CNTNAP5: variants seen among roughly 807,000 people sequenced by gnomAD.
CNTNAP5 encodes contactin-associated protein-like 5.
A neutral mutation model predicts 150.2 loss-of-function variants in CNTNAP5; 72 were observed. The ratio of observed to expected loss-of-function variants is 0.48; its 90% CI spans 0.40 to 0.58. The LOEUF is 0.58. Among genes scored for constraint, CNTNAP5 ranks in the 20% least tolerant of loss-of-function variants. CNTNAP5 has a pLI of 0.00. For missense variants in CNTNAP5, 1,636 were observed against 1,626.2 expected (o/e 1.01, Z -0.10); for synonymous variants, 672 against 619.8 (o/e 1.08, Z -1.25).
At chr2:124,282,341 A>T (rs1688034391) in intron 3 of CNTNAP5, among the ~76,000 whole-genome samples, 1 of 152,230 alleles carries the variant, frequency 6.6e-6, no homozygotes, top group African/African-American at 2.4e-5. Flanking sequence ...CTAGGTGTTC[A>T]ATAAGCAAAT....
chr2:124,862,215 A>G (rs929763515), intron 19 of CNTNAP5, among the ~76,000 whole-genome samples: 4 of 152,232 alleles, frequency 2.6e-5, no homozygotes, highest in Admixed American at 2.6e-4. Context: ...TATATGAACA[A>G]AAAATGATGT....
intron 3 of CNTNAP5, among the ~76,000 whole-genome samples, chr2:124,410,216 C>A (rs1691712795): frequency 6.7e-6 from 1 of 148,742 alleles, no homozygotes; most frequent in Non-Finnish European, 1.5e-5. Flanking sequence ...CAGGAGCACC[C>A]AGATTCATAA....
chr2:124,896,547 T>G lies in CNTNAP5; in HGVS notation c.3437-6335T>G, dbSNP rs920255267. Among the ~76,000 whole-genome samples, 6 of 151,124 alleles carry G rather than the reference T, an allele frequency of 4.0e-5. 1 individual carries two copies. The highest frequency in any genetic ancestry group is 1.5e-4 in the African/African-American group (6 of 40,576). On this transcript the variant is annotated intron_variant, in intron 21 of 23. Transcript: ENST00000682447. ...AGGAATATGGAAGTTCTTTTTTTTTTGGTTTCTTTTGAGACAATTTTGCTC... is the reference window on the plus strand; with the variant it reads ...AGGAATATGGAAGTTCTTTTTTTTTGGGTTTCTTTTGAGACAATTTTGCTC...
intron 1 of CNTNAP5, among the ~76,000 whole-genome samples, chr2:124,109,505 G>T (rs554401012): frequency 6.6e-6 from 1 of 152,284 alleles, no homozygotes; most frequent in East Asian, 1.9e-4. Context: ...GCCCACCCTT[G>T]GTTCAGATAA....
At chr2:124,366,162 A>G (rs1441064748) in intron 3 of CNTNAP5, among the ~76,000 whole-genome samples, 1 of 152,158 alleles carries the variant, frequency 6.6e-6, no homozygotes, top group Admixed American at 6.5e-5. Flanking sequence ...CCAATTAATT[A>G]GCATTAGTCA....
At chr2:124,803,056 A>G (rs1682004930) in intron 19 of CNTNAP5, among the ~76,000 whole-genome samples, 1 of 151,420 alleles carries the variant, frequency 6.6e-6, no homozygotes, top group Non-Finnish European at 1.5e-5. Flanking sequence ...TGGAGCTTGC[A>G]GTGAGCCGAG....
At chr2:124,513,196 G>A (rs1694633176) in intron 8 of CNTNAP5, among the ~76,000 whole-genome samples, 1 of 152,180 alleles carries the variant, frequency 6.6e-6, no homozygotes, top group Non-Finnish European at 1.5e-5. Context: ...GATTTCTTCT[G>A]AGGGCTTCTC....
At chr2:124,670,133 T>TTTCCTTCCTTCCTTCCTTCATTCC (rs1678783295) in intron 13 of CNTNAP5, among the ~76,000 whole-genome samples, 8 of 112,512 alleles carry the variant, frequency 7.1e-5, no homozygotes, top group African/African-American at 2.6e-4. Context: ...TCCTTCCTTC[T>TTTCCTTCCTTCCTTCCTTCATTCC]TTCCTTCCTT....
intron 14 of CNTNAP5, among the ~76,000 whole-genome samples, chr2:124,757,970 G>A (rs1343541645): frequency 1.3e-5 from 2 of 152,288 alleles, no homozygotes; most frequent in Non-Finnish European, 2.9e-5. Context: ...AAGGTTTTAA[G>A]CAATAAAGTA....
At chr2:124,215,229 C>T (rs1196391189) in intron 1 of CNTNAP5, among the ~76,000 whole-genome samples, 1 of 152,130 alleles carries the variant, frequency 6.6e-6, no homozygotes, top group Non-Finnish European at 1.5e-5. Flanking sequence ...CTTTTAAGCT[C>T]CAAATCCCCA....
chr2:124,728,988 C>T (rs771786396), intron 13 of CNTNAP5, among the ~76,000 whole-genome samples: 1 of 151,994 alleles, frequency 6.6e-6, no homozygotes, highest in Non-Finnish European at 1.5e-5. Flanking sequence ...GGCTGGTATG[C>T]AGAGAGAGAC....
intron 17 of CNTNAP5, among the ~76,000 whole-genome samples, chr2:124,774,880 C>T (rs1349465325): frequency 6.6e-6 from 1 of 152,170 alleles, no homozygotes; most frequent in Non-Finnish European, 1.5e-5. Flanking sequence ...GGAAAGGCGG[C>T]AGCTGTGTTT....
intron 13 of CNTNAP5, among the ~76,000 whole-genome samples, chr2:124,726,289 G>A (rs1680155928): frequency 6.6e-6 from 1 of 152,144 alleles, no homozygotes; most frequent in Non-Finnish European, 1.5e-5. Context: ...GTCAAGAGAA[G>A]GACCTGGTAA....
intron 1 of CNTNAP5, among the ~76,000 whole-genome samples, chr2:124,177,657 T>A (rs1685101402): frequency 6.6e-6 from 1 of 152,156 alleles, no homozygotes. Context: ...TTTTAATCAA[T>A]GCTCATTCTG....
intron 12 of CNTNAP5, among the ~76,000 whole-genome samples, chr2:124,617,357 C>T (rs1677513951): frequency 6.6e-6 from 1 of 152,094 alleles, no homozygotes; most frequent in Admixed American, 6.5e-5. Context: ...ACCTGCAGTG[C>T]CACACTTCCT....
At chr2:124,671,046 G>T (rs894544912) in intron 13 of CNTNAP5, among the ~76,000 whole-genome samples, 1 of 152,126 alleles carries the variant, frequency 6.6e-6, no homozygotes, top group African/African-American at 2.4e-5. Context: ...ATACCCAACT[G>T]GCAGGGGAGT....
At chr2:124,043,215 A>T (rs1197821195) in intron 1 of CNTNAP5, among the ~76,000 whole-genome samples, 1 of 152,180 alleles carries the variant, frequency 6.6e-6, no homozygotes, top group African/African-American at 2.4e-5. Context: ...TGCATAATGT[A>T]TATAGATCAC....
intron 1 of CNTNAP5, among the ~76,000 whole-genome samples, chr2:124,105,038 C>A (rs535272898): frequency 1.2e-3 from 151 of 126,090 alleles, no homozygotes; most frequent in African/African-American, 2.2e-3. Flanking sequence ...AGCTGCTCTA[C>A]ACATATATAA....
chr2:124,279,104 G>A (rs576219445), intron 3 of CNTNAP5, among the ~76,000 whole-genome samples: 14 of 151,970 alleles, frequency 9.2e-5, no homozygotes, highest in African/African-American at 3.4e-4. Context: ...GTATTTCCTG[G>A]GACAGCTCTG....
Sources: allele counts gnomAD v4.1 joint callset (sites outside exome capture counted in the v4.1 genomes callset), GRCh38; gene constraint gnomAD v4.1.1; transcripts MANE v1.5; gene names NCBI Gene and HGNC (gene_info 2026-07-23, HGNC 2026-07-21).